CDH19: variants seen among roughly 807,000 people sequenced by gnomAD.
The protein encoded by CDH19 is cadherin-19.
A neutral mutation model predicts 64.2 loss-of-function variants in CDH19; 67 were observed. The observed-to-expected ratio is 1.04, with a 90% confidence interval of 0.86 to 1.28. The LOEUF (loss-of-function observed/expected upper bound fraction) is 1.28, where lower values mean the gene tolerates loss of function less well. Ranked by LOEUF, CDH19 falls within the 50% of genes most tolerant of loss-of-function variation. The pLI is 0.00. For synonymous variants in CDH19, 346 were observed against 319.3 expected, an observed-to-expected ratio of 1.08 and a Z score of -0.89; for missense variants, 1,030 against 929.0, an observed-to-expected ratio of 1.11 and a Z score of -1.41.
chr18:66,593,278 G>C (rs1247215957), intron 1 of CDH19, among the ~76,000 whole-genome samples: 1 of 151,874 alleles, frequency 6.6e-6, no homozygotes, highest in African/African-American at 2.4e-5. Context: ...TGTTTCTGGA[G>C]TGTTAAATAC....
chr18:66,581,453 A>C (rs1220032577), intron 1 of CDH19, among the ~76,000 whole-genome samples: 1 of 151,924 alleles, frequency 6.6e-6, no homozygotes, highest in African/African-American at 2.4e-5. Flanking sequence ...GCCAGAGGAG[A>C]TTAACATTAG....
Position 66,502,668 on chromosome 18 carries a change from G to C in CDH19, c.*2144C>G, listed in dbSNP as rs942703184. On this transcript the variant is annotated 3_prime_UTR_variant, in exon 12 of 12. Transcript: ENST00000262150. ...ACATTTTCAATTTTCATGTCAATGT[G>C]ATAGAAATGTAAATGTTCTCTCGAT... 6.6e-6 allele frequency: 1 copy of C among 151,886 alleles called. No homozygotes were observed. Among genetic ancestry groups the C allele is most frequent in the African/African-American group, 2.4e-5 (1 of 41,426 alleles). The allele number at this position is 151,886 out of a possible 1,614,324, so 9.4% of individuals were successfully genotyped here. A position where few individuals can be genotyped will look rare whatever the true frequency, so the allele number is the denominator to read the frequency against.
chr18:66,503,627 G>A lies in CDH19; in HGVS notation c.*1185C>T, dbSNP rs1054166127. 2.0e-5 allele frequency: 3 copies of A among 151,536 alleles called. No individual in the cohort carries two copies. In the East Asian group the frequency reaches 5.8e-4, roughly 29 times the overall value. The allele number at this position is 151,536 out of a possible 1,614,324, so 9.4% of individuals were successfully genotyped here. A position where few individuals can be genotyped will look rare whatever the true frequency, so the allele number is the denominator to read the frequency against. ...AAATATTGACTTGTATTTTGCTATT[G>A]TATTTTGACATAAGAATGTGTTTTG... On this transcript the variant is annotated 3_prime_UTR_variant, in exon 12 of 12. Coordinates refer to ENST00000262150, the MANE Select transcript of CDH19 (RefSeq NM_021153.4).
chr18:66,530,456 C>T (rs1373428894), intron 8 of CDH19, among the ~76,000 whole-genome samples: 1 of 151,920 alleles, frequency 6.6e-6, no homozygotes. Context: ...CTGTGAACCA[C>T]TGAAATTTAG....
chr18:66,568,107 A>G lies in CDH19; in HGVS notation c.490+309T>C, dbSNP rs546866762. ...GATACAAAAATATATTTTGTTTTGA[A>G]AAAGAAATTCTTGTACTTAAGAACC... On this transcript the variant is annotated intron_variant, in intron 3 of 11. Coordinates refer to ENST00000262150, the MANE Select transcript of CDH19 (RefSeq NM_021153.4). Among the ~76,000 whole-genome samples, 6 of 151,960 alleles carry G rather than the reference A, an allele frequency of 3.9e-5. No homozygotes were observed. In the South Asian group the frequency reaches 8.3e-4, roughly 21 times the overall value.
In CDH19 at chr18:66,574,180, C is replaced by T. The variant is rs1988194899; in HGVS notation, c.-112-1864G>A. Among the ~76,000 whole-genome samples the T allele has an allele frequency of 2.0e-5, 3 of 151,576 alleles. No homozygotes were observed. The Admixed American group carries it at 2.0e-4, about 10-fold the overall frequency. On this transcript the variant is annotated intron_variant, in intron 1 of 11. Coordinates refer to ENST00000262150, the MANE Select transcript of CDH19 (RefSeq NM_021153.4). The stretch of plus-strand genomic sequence containing the variant: ...AGGTTATTTGTCCTACAGAGTTTCA[C>T]ATAGTCTGAATGTTGCTAATTGTAT...
At chr18:66,579,653 A>G (rs1463634117) in intron 1 of CDH19, among the ~76,000 whole-genome samples, 1 of 152,064 alleles carries the variant, frequency 6.6e-6, no homozygotes, top group East Asian at 1.9e-4. Context: ...ATTAAGAAAG[A>G]TTTAAGATAT....
chr18:66,517,841 C>T (rs1985804422), intron 9 of CDH19, among the ~76,000 whole-genome samples: 2 of 135,684 alleles, frequency 1.5e-5, no homozygotes, highest in African/African-American at 2.5e-5. Flanking sequence ...ATCAAATAAA[C>T]ATTACTAAAA....
chr18:66,600,526 C>G (rs956507422), intron 1 of CDH19, among the ~76,000 whole-genome samples: 2 of 151,656 alleles, frequency 1.3e-5, no homozygotes, highest in African/African-American at 4.8e-5. Context: ...TTTAAAAATG[C>G]AATACACACA....
In CDH19 at chr18:66,505,330, A is replaced by C. The variant is rs7234801; in HGVS notation, c.1829-28T>G. 2.7e-6 allele frequency: 4 copies of C among 1,492,276 alleles called. No homozygotes were observed. In the African/African-American group the frequency reaches 4.2e-5, roughly 16 times the overall value. The allele number at this position is 1,492,276 out of a possible 1,614,324, so 92.4% of individuals were successfully genotyped here. A position where few individuals can be genotyped will look rare whatever the true frequency, so the allele number is the denominator to read the frequency against. ...GATGAAGAAAGCACATCAGAATATC[A>C]ATAAACAATAAAGAGTATTATAAAC... On this transcript the variant is annotated intron_variant, in intron 11 of 11. Transcript: ENST00000262150.
chr18:66,551,336 G>A, intron 4 of CDH19, 78 bp from the exon 5 acceptor site: 1 of 806,906 alleles, frequency 1.2e-6, no homozygotes, highest in South Asian at 1.5e-5. Flanking sequence ...AACCATTGCA[G>A]TATACATTAT....
chr18:66,554,031 A>G (rs1987428117), intron 4 of CDH19, among the ~76,000 whole-genome samples: 2 of 151,916 alleles, frequency 1.3e-5, no homozygotes, highest in Non-Finnish European at 2.9e-5. Flanking sequence ...GTATTCCCTG[A>G]TGACTAATGA....
chr18:66,589,746 A>G (rs1988688749), intron 1 of CDH19, among the ~76,000 whole-genome samples: 1 of 151,930 alleles, frequency 6.6e-6, no homozygotes, highest in African/African-American at 2.4e-5. Context: ...AACTAAAGTC[A>G]TGCACTTTGT....
Position 66,595,951 on chromosome 18 carries a change from A to G in CDH19, c.-113+8003T>C, listed in dbSNP as rs866145800. Among the ~76,000 whole-genome samples, 3 of 152,274 alleles carry G rather than the reference A, an allele frequency of 2.0e-5. No individual in the cohort carries two copies. The South Asian group carries it at 6.2e-4, about 32-fold the overall frequency. On this transcript the variant is annotated intron_variant, in intron 1 of 11. Coordinates refer to ENST00000262150, the MANE Select transcript of CDH19 (RefSeq NM_021153.4). ...AACAAACCAAATACAGCAACATATC[A>G]AATTCAATCCATCATGATAAGATTA...
rs183003411 is a variant in CDH19 at position 66,562,836 on chromosome 18, G to A, written c.490+5580C>T. Among the ~76,000 whole-genome samples the A allele has an allele frequency of 1.8e-4, 28 of 152,180 alleles. No homozygotes were observed. The East Asian group carries it at 5.0e-3, about 27-fold the overall frequency. ...ACTACATAGAAATTTTAAAGATTGA[G>A]AGCATTAATGAAAGCATCAATAATA... On this transcript the variant is annotated intron_variant, in intron 3 of 11. Transcript: ENST00000262150.
intron 11 of CDH19, among the ~76,000 whole-genome samples, chr18:66,506,897 G>A (rs1354251924): frequency 1.3e-5 from 2 of 151,874 alleles, no homozygotes; most frequent in African/African-American, 4.8e-5. Context: ...TTGCATTCAT[G>A]TATTGCACTT....
intron 1 of CDH19, among the ~76,000 whole-genome samples, chr18:66,587,828 T>C (rs1315462559): frequency 6.6e-6 from 1 of 152,136 alleles, no homozygotes; most frequent in Non-Finnish European, 1.5e-5. Flanking sequence ...AATTGGTTAC[T>C]GTAATAGCCT....
chr18:66,529,767 G>T, intron 9 of CDH19, 78 bp downstream of exon 9: 1 of 657,772 alleles, frequency 1.5e-6, no homozygotes, highest in Non-Finnish European at 2.3e-6. Flanking sequence ...TAACAATATT[G>T]TATAATATAT....
intron 1 of CDH19, among the ~76,000 whole-genome samples, chr18:66,580,095 A>C (rs1242179135): frequency 6.6e-6 from 1 of 152,070 alleles, no homozygotes; most frequent in Non-Finnish European, 1.5e-5. Flanking sequence ...AACAACAAAA[A>C]TATACAGCAA....
Sources: allele counts gnomAD v4.1 joint callset (sites outside exome capture counted in the v4.1 genomes callset), GRCh38; gene constraint gnomAD v4.1.1; transcripts MANE v1.5; gene names NCBI Gene and HGNC (gene_info 2026-07-23, HGNC 2026-07-21).